NAALADL2: variants seen among roughly 807,000 people sequenced by gnomAD.
The protein encoded by NAALADL2 is N-acetylated alpha-linked acidic dipeptidase like 2.
In NAALADL2, 76 loss-of-function variants were observed where a neutral mutation model predicts 87.2. That is an observed-to-expected ratio of 0.87 (90% CI 0.72 to 1.05). The LOEUF (loss-of-function observed/expected upper bound fraction) is 1.05. NAALADL2 is among the 50% of genes least tolerant of loss of function. The probability of loss-of-function intolerance (pLI) is 0.00; values close to 1 mark genes in which losing one functional copy is unlikely to be tolerated. For synonymous variants in NAALADL2, 354 were observed against 331.0 expected (o/e 1.07, Z -0.75); for missense variants, 1,089 against 945.8 (o/e 1.15, Z -1.99).
chr3:175,649,842 C>T (rs566626999), intron 11 of NAALADL2, among the ~76,000 whole-genome samples: 5 of 152,074 alleles, frequency 3.3e-5, no homozygotes, highest in Non-Finnish European at 5.9e-5. Context: ...GTGCTTGGTA[C>T]CTAAATTTTA....
intron 11 of NAALADL2, among the ~76,000 whole-genome samples, chr3:175,682,994 A>C (rs953804089): frequency 6.6e-6 from 1 of 152,034 alleles, no homozygotes; most frequent in Non-Finnish European, 1.5e-5. Flanking sequence ...CAAGCTGAAC[A>C]TAACACTCTT....
intron 5 of NAALADL2, among the ~76,000 whole-genome samples, chr3:175,333,892 T>A (rs1761690336): frequency 6.6e-6 from 1 of 152,210 alleles, no homozygotes; most frequent in Non-Finnish European, 1.5e-5. Flanking sequence ...CTAAATACCC[T>A]GACTGGATCA....
intron 1 of NAALADL2, among the ~76,000 whole-genome samples, chr3:175,075,391 G>A (rs73883341): frequency 1.3e-5 from 2 of 152,078 alleles, no homozygotes; most frequent in Non-Finnish European, 2.9e-5. Flanking sequence ...CAAAGTAAAT[G>A]AAGCTCTTTC....
chr3:175,038,744 T>C (rs566582417), intron 1 of NAALADL2, among the ~76,000 whole-genome samples: 9 of 152,164 alleles, frequency 5.9e-5, no homozygotes, highest in Non-Finnish European at 8.8e-5. Flanking sequence ...GTTTAGCACG[T>C]AATATCTAAA....
At chr3:175,152,916 A>G (rs1235049706) in intron 2 of NAALADL2, among the ~76,000 whole-genome samples, 2 of 151,598 alleles carry the variant, frequency 1.3e-5, no homozygotes, top group African/African-American at 4.9e-5. Context: ...CAAAAAAAAG[A>G]AAAAAAAATT....
intron 9 of NAALADL2, among the ~76,000 whole-genome samples, chr3:175,573,106 C>T (rs1342476807): frequency 2.0e-5 from 3 of 152,028 alleles, no homozygotes; most frequent in Admixed American, 6.6e-5. Context: ...TTAATAGGCA[C>T]ATATTGTAGA....
At chr3:174,947,217 C>G (rs1002034559) in intron 1 of NAALADL2, among the ~76,000 whole-genome samples, 1 of 152,138 alleles carries the variant, frequency 6.6e-6, no homozygotes, top group Admixed American at 6.5e-5. Flanking sequence ...AGGTTAAAAG[C>G]AACTCTCAGC....
At chr3:174,924,433 T>C (rs1008487954) in intron 1 of NAALADL2, among the ~76,000 whole-genome samples, 3 of 152,230 alleles carry the variant, frequency 2.0e-5, no homozygotes, top group Non-Finnish European at 4.4e-5. Flanking sequence ...GGTGTATATG[T>C]GCCACATTTT....
intron 2 of NAALADL2, among the ~76,000 whole-genome samples, chr3:175,199,864 A>ATTT (rs869050569): frequency 2.3e-4 from 3 of 13,046 alleles, no homozygotes; most frequent in African/African-American, 4.7e-4. Context: ...ATATATATAT[A>ATTT]TTTTTTTTTT....
Position 175,492,861 on chromosome 3 carries a change from A to G in NAALADL2, c.1653+21103A>G, listed in dbSNP as rs184008315. Reference sequence around the variant, plus strand: ...CTTTATTTTCATAACTACGTGACTGATATCTAGAACATATGGCTCTTTCTT... The same window carrying G: ...CTTTATTTTCATAACTACGTGACTGGTATCTAGAACATATGGCTCTTTCTT... On this transcript the variant is annotated intron_variant, in intron 9 of 13. Coordinates refer to ENST00000454872, the MANE Select transcript of NAALADL2 (RefSeq NM_207015.3). Among the ~76,000 whole-genome samples, 209 of 152,232 alleles carry G rather than the reference A, an allele frequency of 1.4e-3. 1 individual carries two copies. The highest frequency in any genetic ancestry group is 4.0e-3 in the African/African-American group (167 of 41,560).
chr3:174,722,010 C>G (rs1382779235), intron 2 of NAALADL2, among the ~76,000 whole-genome samples: 1 of 152,152 alleles, frequency 6.6e-6, no homozygotes, highest in Non-Finnish European at 1.5e-5. Flanking sequence ...AAATAACAGC[C>G]AAGACCAAGA....
chr3:174,870,376 A>G (rs2109605513), intron 1 of NAALADL2, among the ~76,000 whole-genome samples: 1 of 152,288 alleles, frequency 6.6e-6, no homozygotes. Flanking sequence ...TTAGGAAAGC[A>G]TCCATATATA....
intron 9 of NAALADL2, among the ~76,000 whole-genome samples, chr3:175,537,432 CAAA>C (rs1192614027): frequency 6.6e-6 from 1 of 152,084 alleles, no homozygotes; most frequent in Non-Finnish European, 1.5e-5. Context: ...TGTATGCTCA[CAAA>C]AAGTGTAGGA....
chr3:174,720,425 TTA>T (rs1409426276), intron 2 of NAALADL2, among the ~76,000 whole-genome samples: 1 of 152,150 alleles, frequency 6.6e-6, no homozygotes, highest in Non-Finnish European at 1.5e-5. Flanking sequence ...CATATGTACA[TTA>T]TATGATAGCT....
intron 2 of NAALADL2, among the ~76,000 whole-genome samples, chr3:174,634,831 T>C (rs903817064): frequency 3.9e-5 from 6 of 152,174 alleles, no homozygotes; most frequent in Non-Finnish European, 8.8e-5. Context: ...ATTTTGTCAT[T>C]TTTTGATGGG....
intron 9 of NAALADL2, among the ~76,000 whole-genome samples, chr3:175,492,790 C>T (rs1215029509): frequency 2.0e-5 from 3 of 152,006 alleles, no homozygotes; most frequent in African/African-American, 7.2e-5. Flanking sequence ...TTTTAAATAA[C>T]ACCTTTAGAA....
chr3:175,671,831 A>T (rs918089117), intron 11 of NAALADL2, among the ~76,000 whole-genome samples: 17 of 152,030 alleles, frequency 1.1e-4, no homozygotes, highest in Non-Finnish European at 1.6e-4. Flanking sequence ...TTTAAAAAAA[A>T]TTTTTCTTAC....
At chr3:175,732,341 G>C (rs1743884936) in intron 11 of NAALADL2, among the ~76,000 whole-genome samples, 1 of 152,190 alleles carries the variant, frequency 6.6e-6, no homozygotes, top group African/African-American at 2.4e-5. Context: ...CTGTAAAGCA[G>C]AGAGAGATGG....
intron 2 of NAALADL2, among the ~76,000 whole-genome samples, chr3:174,645,358 TAAG>T (rs900137761): frequency 2.6e-5 from 4 of 152,202 alleles, no homozygotes; most frequent in African/African-American, 9.7e-5. Flanking sequence ...GATGTTAGAC[TAAG>T]GAGTTTCAGC....
Sources: allele counts gnomAD v4.1 joint callset (sites outside exome capture counted in the v4.1 genomes callset), GRCh38; gene constraint gnomAD v4.1.1; transcripts MANE v1.5; gene names NCBI Gene and HGNC (gene_info 2026-07-23, HGNC 2026-07-21).